HIP1: variants seen among roughly 807,000 people sequenced by gnomAD.
The protein encoded by HIP1 is huntingtin interacting protein 1, also known as huntingtin-interacting protein 1.
Under a neutral mutation model 147.6 loss-of-function variants are expected in HIP1, and 65 were observed. The observed-to-expected ratio is 0.44, with a 90% CI of 0.36 to 0.54. The LOEUF (loss-of-function observed/expected upper bound fraction) is 0.54, where lower values mean the gene tolerates loss of function less well. HIP1 is among the 20% of genes least tolerant of loss of function. HIP1 has a pLI of 0.00. For missense variants in HIP1, 1,061 were observed against 1,299.6 expected, an observed-to-expected ratio of 0.82 and a Z score of 2.82; for synonymous variants, 479 against 504.0, an observed-to-expected ratio of 0.95 and a Z score of 0.67.
At chr7:75,585,337 A>G (rs1395787397) in intron 5 of HIP1, among the ~76,000 whole-genome samples, 1 of 151,180 alleles carries the variant, frequency 6.6e-6, no homozygotes, top group East Asian at 2.0e-4. Flanking sequence ...GACGTGAGCT[A>G]ATTTCTTTTT....
intron 1 of HIP1, among the ~76,000 whole-genome samples, chr7:75,684,121 T>C (rs1031746078): frequency 7.3e-5 from 11 of 149,920 alleles, no homozygotes; most frequent in African/African-American, 2.2e-4. Context: ...CTGAGCGACA[T>C]AGTGAGACTC....
At chr7:75,557,830 T>G (rs1795075486) in intron 15 of HIP1, 60 bp from the exon 16 acceptor site, 6 of 1,250,596 alleles carry the variant, frequency 4.8e-6, no homozygotes, top group Non-Finnish European at 5.9e-6. Flanking sequence ...ACATCCTCCT[T>G]CTAGGACAAT....
chr7:75,601,151 T>C (rs587735315), intron 1 of HIP1, among the ~76,000 whole-genome samples: 1 of 152,210 alleles, frequency 6.6e-6, no homozygotes, highest in South Asian at 2.1e-4. Flanking sequence ...TTCTGAAATA[T>C]TTACTGGCAA....
Position 75,554,173 on chromosome 7 carries a change from T to C in HIP1, c.2098A>G (p.Ser700Gly). Residue 700 changes from serine (S) to glycine (G), a missense_variant, in exon 21 of 31, where the codon AGC becomes GGC. Ser to Gly is a moderately conservative substitution (Grantham distance 56, BLOSUM62 0). Coordinates refer to ENST00000336926, the MANE Select transcript of HIP1 (RefSeq NM_005338.7). ...HSITLLAHLT[S>G]DAIAHGATTC... ...GTGGCACCATGAGCAATGGCGTCGCTGGTCAAGTGGGCCAGCAGGGTTATG... is the reference window on the plus strand; with the variant it reads ...GTGGCACCATGAGCAATGGCGTCGCCGGTCAAGTGGGCCAGCAGGGTTATG... 5 of 1,614,080 alleles carry C rather than the reference T, an allele frequency of 3.1e-6. No homozygotes were observed. Among genetic ancestry groups the C allele is most frequent in the Non-Finnish European group, 4.2e-6 (5 of 1,180,002 alleles).
In HIP1 at chr7:75,694,676, C is replaced by CTTT. The variant is rs11383945; in HGVS notation, c.120+44122_120+44124dup. ...CAGGCACCACCACCACACCTGGCTA[C>CTTT]TTTTTTTTTTTTTTAAAGAAATGGG... On this transcript the variant is annotated intron_variant, in intron 1 of 30. Coordinates refer to ENST00000336926, the MANE Select transcript of HIP1 (RefSeq NM_005338.7). Among the ~76,000 whole-genome samples, 230 of 140,408 alleles carry CTTT rather than the reference C, an allele frequency of 1.6e-3. 2 individuals are homozygous for CTTT. Among genetic ancestry groups the CTTT allele is most frequent in the African/African-American group, 5.7e-3 (217 of 37,778 alleles). 92.1% of individuals were successfully genotyped at this position (140,408 alleles called of 152,430 possible).
At chr7:75,648,736 G>A (rs988382260) in intron 1 of HIP1, among the ~76,000 whole-genome samples, 13 of 152,140 alleles carry the variant, frequency 8.5e-5, no homozygotes, top group African/African-American at 3.1e-4. Context: ...CATGAGACGT[G>A]CTGTGGGAAG....
chr7:75,703,970 G>A (rs962799800), intron 1 of HIP1, among the ~76,000 whole-genome samples: 1 of 152,096 alleles, frequency 6.6e-6, no homozygotes, highest in Admixed American at 6.6e-5. Context: ...CCAGGGCCCC[G>A]GGCCTGGGCT....
intron 1 of HIP1, among the ~76,000 whole-genome samples, chr7:75,730,068 A>G (rs1355422261): frequency 1.3e-5 from 2 of 152,146 alleles, no homozygotes; most frequent in Non-Finnish European, 2.9e-5. Flanking sequence ...GAGGGGGTAC[A>G]GTTGTCCAGT....
At chr7:75,709,806 T>C (rs1801114306) in intron 1 of HIP1, among the ~76,000 whole-genome samples, 1 of 152,208 alleles carries the variant, frequency 6.6e-6, no homozygotes, top group Non-Finnish European at 1.5e-5. Flanking sequence ...GAATGTGACG[T>C]CTGCTGTGGG....
intron 30 of HIP1, 45 bp downstream of exon 30, chr7:75,539,277 TC>T (rs782396368): frequency 7.1e-7 from 1 of 1,413,218 alleles, no homozygotes; most frequent in Non-Finnish European, 1.0e-6. Context: ...CCACACAGCT[TC>T]CCCTCCCTGC....
rs137971788 is a variant in HIP1, at chr7:75,668,449, C to T, written c.121-69202G>A. Among the ~76,000 whole-genome samples the T allele has an allele frequency of 9.8e-3, 1,495 of 152,292 alleles. 25 individuals carry two copies. The highest frequency in any genetic ancestry group is 0.034 in the African/African-American group (1,409 of 41,560). On this transcript the variant is annotated intron_variant, in intron 1 of 30. Transcript: ENST00000336926. ...AAGTGATTCTCCTGCTTCAGCCTCC[C>T]GAGTAGCTGGGTTTACAGGTGGCCG...
At chr7:75,640,584 C>G (rs1444740100) in intron 1 of HIP1, among the ~76,000 whole-genome samples, 2 of 151,962 alleles carry the variant, frequency 1.3e-5, no homozygotes, top group Non-Finnish European at 2.9e-5. Context: ...AAACTCCCGT[C>G]TCTACTAAAA....
chr7:75,653,750 C>T (rs890888018), intron 1 of HIP1, among the ~76,000 whole-genome samples: 2 of 151,928 alleles, frequency 1.3e-5, no homozygotes, highest in African/African-American at 2.4e-5. Context: ...ATCCCAGCTA[C>T]TTGGGAGGCT....
At chr7:75,543,293 A>G (rs1794405985) in intron 27 of HIP1, among the ~76,000 whole-genome samples, 1 of 152,206 alleles carries the variant, frequency 6.6e-6, no homozygotes, top group South Asian at 2.1e-4. Context: ...GAAACTCTTA[A>G]AAAGGATTTG....
chr7:75,560,532 G>A (rs587674538), intron 13 of HIP1, among the ~76,000 whole-genome samples: 17 of 152,202 alleles, frequency 1.1e-4, no homozygotes, highest in South Asian at 6.2e-4. Context: ...GGTTACAGGC[G>A]TGAGCCACTG....
chr7:75,555,959 C>T lies in HIP1; in HGVS notation c.1827+67G>A, dbSNP rs1281939265. ...GCAGCCCCGGGGTCCTCCCAGCCTCCGTGCATGCGCAGAGGCCCTCGGTGG... is the reference window on the plus strand; with the variant it reads ...GCAGCCCCGGGGTCCTCCCAGCCTCTGTGCATGCGCAGAGGCCCTCGGTGG... On this transcript the variant is annotated intron_variant, in intron 18 of 30. Coordinates refer to ENST00000336926, the MANE Select transcript of HIP1 (RefSeq NM_005338.7). The T allele has an allele frequency of 2.5e-6, 4 of 1,574,630 alleles. No homozygotes were observed. The African/African-American group carries it at 4.0e-5, about 16-fold the overall frequency.
rs924800105 is a variant in HIP1, at chr7:75,537,269, C to T, written c.*903G>A. ...GTAAAGGCGGACAGAGGCTTTCCGCCGGGATTCAGCTTTAGGAGGGAAAGG... is the reference window on the plus strand; with the variant it reads ...GTAAAGGCGGACAGAGGCTTTCCGCTGGGATTCAGCTTTAGGAGGGAAAGG... On this transcript the variant is annotated 3_prime_UTR_variant, in exon 31 of 31. Coordinates refer to ENST00000336926, the MANE Select transcript of HIP1 (RefSeq NM_005338.7). 2.6e-5 allele frequency: 6 copies of T among 232,776 alleles called. No individual in the cohort carries two copies. Among genetic ancestry groups the T allele is most frequent in the African/African-American group, 6.6e-5 (3 of 45,248 alleles). 14.4% of individuals were successfully genotyped at this position (232,776 alleles called of 1,614,324 possible). A position where few individuals can be genotyped will look rare whatever the true frequency, so the allele number is the denominator to read the frequency against.
chr7:75,556,306 C>T, intron 17 of HIP1, 137 bp from the exon 18 acceptor site: 3 of 1,087,566 alleles, frequency 2.8e-6, no homozygotes, highest in Non-Finnish European at 4.0e-6. Context: ...TGATTCCCTC[C>T]CGGGGACACA....
intron 1 of HIP1, among the ~76,000 whole-genome samples, chr7:75,633,427 G>A (rs1225421887): frequency 6.6e-5 from 10 of 151,992 alleles, no homozygotes; most frequent in Non-Finnish European, 1.2e-4. Flanking sequence ...CGAGCAGCTG[G>A]GATTACAGGC....
Sources: allele counts gnomAD v4.1 joint callset (sites outside exome capture counted in the v4.1 genomes callset), GRCh38; gene constraint gnomAD v4.1.1; transcripts MANE v1.5; gene names NCBI Gene and HGNC (gene_info 2026-07-23, HGNC 2026-07-21).